The following GABRB2 variants were observed in gnomAD, a reference collection of about 807,000 sequenced individuals.
GABRB2 encodes gamma-aminobutyric acid receptor subunit beta-2.
GABRB2 carries 16 observed loss-of-function variants against 54.7 expected under a neutral mutation model. The ratio of observed to expected loss-of-function variants is 0.29; its 90% CI spans 0.20 to 0.44. GABRB2 has a LOEUF of 0.44. GABRB2 is among the 20% of genes least tolerant of loss of function. The pLI, the probability that GABRB2 is intolerant of heterozygous loss-of-function variation, is 1.00. For missense variants in GABRB2, 355 were observed against 644.0 expected (o/e 0.55, Z 4.86); for synonymous variants, 244 against 233.8 (o/e 1.04, Z -0.40).
intron 5 of GABRB2, among the ~76,000 whole-genome samples, chr5:161,372,827 G>C (rs73797590): frequency 2.0e-4 from 30 of 152,226 alleles, no homozygotes; most frequent in African/African-American, 7.2e-4. Context: ...GCAGAGTCAG[G>C]CTGTGTACCG....
intron 9 of GABRB2, among the ~76,000 whole-genome samples, chr5:161,312,546 T>C (rs1239397291): frequency 2.0e-5 from 3 of 152,122 alleles, no homozygotes; most frequent in Non-Finnish European, 4.4e-5. Flanking sequence ...AAACAAAAAA[T>C]ACCTGGATTC....
intron 9 of GABRB2, among the ~76,000 whole-genome samples, chr5:161,321,015 C>T (rs1219023086): frequency 1.3e-5 from 2 of 151,872 alleles, no homozygotes; most frequent in African/African-American, 4.8e-5. Context: ...ACCACAAAAA[C>T]GTGGGACATA....
intron 3 of GABRB2, among the ~76,000 whole-genome samples, chr5:161,506,357 A>T (rs1388153365): frequency 1.3e-5 from 2 of 152,168 alleles, no homozygotes; most frequent in African/African-American, 2.4e-5. Flanking sequence ...AACTCCCATT[A>T]GGCATTTTGT....
intron 5 of GABRB2, among the ~76,000 whole-genome samples, chr5:161,410,576 A>G (rs1032833122): frequency 6.6e-6 from 1 of 152,158 alleles, no homozygotes. Flanking sequence ...TGCAATTACA[A>G]AGATAGAAAG....
At chr5:161,500,566 C>A (rs1023987265) in intron 3 of GABRB2, among the ~76,000 whole-genome samples, 1 of 152,132 alleles carries the variant, frequency 6.6e-6, no homozygotes, top group African/African-American at 2.4e-5. Flanking sequence ...CCTTTCCCTT[C>A]TCTCACTTTA....
At chr5:161,477,878 G>A (rs1581019288) in intron 3 of GABRB2, among the ~76,000 whole-genome samples, 1 of 151,900 alleles carries the variant, frequency 6.6e-6, no homozygotes, top group African/African-American at 2.4e-5. Flanking sequence ...GAGTTCTCAA[G>A]ATTGATGGCA....
At chr5:161,361,966 A>G (rs1452084069) in intron 5 of GABRB2, among the ~76,000 whole-genome samples, 1 of 152,196 alleles carries the variant, frequency 6.6e-6, no homozygotes, top group Non-Finnish European at 1.5e-5. Context: ...GGTGTAAGGT[A>G]GGGGTCCAGT....
intron 4 of GABRB2, among the ~76,000 whole-genome samples, chr5:161,436,962 A>C (rs1408474785): frequency 6.6e-6 from 1 of 152,080 alleles, no homozygotes; most frequent in Non-Finnish European, 1.5e-5. Context: ...CCAGAGGGGA[A>C]TCACGGATCC....
intron 5 of GABRB2, among the ~76,000 whole-genome samples, chr5:161,387,323 C>A (rs1342341517): frequency 1.3e-5 from 2 of 152,044 alleles, no homozygotes; most frequent in Non-Finnish European, 2.9e-5. Context: ...CCAAGACAAG[C>A]AAAATACCAA....
At chr5:161,463,900 C>T (rs555395743) in intron 3 of GABRB2, among the ~76,000 whole-genome samples, 75 of 151,454 alleles carry the variant, frequency 5.0e-4, no homozygotes, top group African/African-American at 7.7e-4. Flanking sequence ...TAAATGGATA[C>T]GTAGATTAAA....
At chr5:161,487,115 A>G (rs1189695713) in intron 3 of GABRB2, among the ~76,000 whole-genome samples, 1 of 151,974 alleles carries the variant, frequency 6.6e-6, no homozygotes, top group Non-Finnish European at 1.5e-5. Context: ...GTGAAAACAC[A>G]GATACTGAAA....
intron 9 of GABRB2, among the ~76,000 whole-genome samples, chr5:161,321,071 A>G (rs1049644064): frequency 8.6e-5 from 13 of 152,026 alleles, no homozygotes; most frequent in African/African-American, 2.9e-4. Context: ...ATTTTGATCT[A>G]TATTTTCTCA....
chr5:161,299,159 C>A (rs1757465618), intron 9 of GABRB2, among the ~76,000 whole-genome samples: 2 of 152,196 alleles, frequency 1.3e-5, no homozygotes, highest in African/African-American at 4.8e-5. Context: ...GTCCTGCTAA[C>A]TGCAGCACTT....
chr5:161,510,992 T>C (rs1052103606), intron 3 of GABRB2, among the ~76,000 whole-genome samples: 4 of 152,008 alleles, frequency 2.6e-5, no homozygotes, highest in Admixed American at 1.3e-4. Context: ...GTAACAATCA[T>C]AACACCAACA....
At chr5:161,379,430 A>C (rs1446186661) in intron 5 of GABRB2, among the ~76,000 whole-genome samples, 1 of 152,166 alleles carries the variant, frequency 6.6e-6, no homozygotes, top group African/African-American at 2.4e-5. Flanking sequence ...TTTCCTGAGA[A>C]GTATGCTTAG....
At chr5:161,355,751 A>C (rs1055354043) in intron 5 of GABRB2, among the ~76,000 whole-genome samples, 1 of 152,098 alleles carries the variant, frequency 6.6e-6, no homozygotes, top group African/African-American at 2.4e-5. Flanking sequence ...ACATATATAC[A>C]CAGATAGAAA....
chr5:161,506,102 C>T (rs1186767620), intron 3 of GABRB2, among the ~76,000 whole-genome samples: 5 of 151,690 alleles, frequency 3.3e-5, no homozygotes, highest in Non-Finnish European at 5.9e-5. Context: ...TAATAAAGGA[C>T]GTTAGAAAGC....
chr5:161,473,356 C>A (rs772303268), intron 3 of GABRB2, among the ~76,000 whole-genome samples: 4 of 151,932 alleles, frequency 2.6e-5, no homozygotes, highest in Non-Finnish European at 4.4e-5. Context: ...GGGCAGTAGG[C>A]CATGATCCAA....
chr5:161,355,499 C>A (rs1275060890), intron 5 of GABRB2, among the ~76,000 whole-genome samples: 1 of 151,392 alleles, frequency 6.6e-6, no homozygotes, highest in African/African-American at 2.4e-5. Context: ...ATATACATAT[C>A]AAATGTCATA....
Sources: gnomAD v4.1 joint callset for allele counts (sites outside exome capture counted in the v4.1 genomes callset) on GRCh38, gnomAD v4.1.1 for gene constraint, MANE v1.5 for transcripts, NCBI Gene and HGNC (gene_info 2026-07-23, HGNC 2026-07-21) for gene names.